The following VMA12 variants were observed in gnomAD, a reference collection of about 807,000 sequenced individuals.
The protein encoded by VMA12 is vacuolar ATPase assembly protein VMA12.
the VMA12 span, chr17:28,361,552 G>A: frequency 3.0e-6 from 1 of 334,798 alleles, no homozygotes; most frequent in Non-Finnish European, 5.6e-6. Flanking sequence ...ACACTGCTGG[G>A]ACTAGGGTTT....
chr17:28,357,867 A>G, the VMA12 span: 3 of 1,613,876 alleles, frequency 1.9e-6, no homozygotes, highest in African/African-American at 4.0e-5. Flanking sequence ...CTGCACCAGC[A>G]TCTGAGAGAA....
At chr17:28,361,626 C>A in the VMA12 span, 1 of 210,636 alleles carries the variant, frequency 4.7e-6, no homozygotes, top group Non-Finnish European at 9.7e-6. Flanking sequence ...TTGAACTTGT[C>A]CATATGTACA....
At chr17:28,357,750 C>G in the VMA12 span, 2 of 1,613,454 alleles carry the variant, frequency 1.2e-6, no homozygotes, top group Non-Finnish European at 1.7e-6. Context: ...GAGCGGCTAC[C>G]CCGAAAGCTG....
At chr17:28,360,998 G>A in the VMA12 span, 1 of 898,512 alleles carries the variant, frequency 1.1e-6, no homozygotes, top group Non-Finnish European at 1.7e-6. Context: ...AGCAGTCACG[G>A]GAGGTTAGGT....
chr17:28,358,783 T>C, the VMA12 span: 1 of 709,404 alleles, frequency 1.4e-6, no homozygotes, highest in Non-Finnish European at 2.4e-6. Context: ...CAATTGAAAA[T>C]GATCCTGGAA....
At chr17:28,359,123 T>C in the VMA12 span, 3 of 990,716 alleles carry the variant, frequency 3.0e-6, no homozygotes, top group Admixed American at 5.6e-5. Context: ...GAGCCAGATA[T>C]TGTCCTCCCC....
chr17:28,362,183 C>G, the VMA12 span: 2 of 143,984 alleles, frequency 1.4e-5, no homozygotes, highest in African/African-American at 5.1e-5. Flanking sequence ...CTCCTGTTGT[C>G]TTTTTTTTTT....
the VMA12 span, chr17:28,360,820 C>T: frequency 6.2e-6 from 10 of 1,613,774 alleles, no homozygotes; most frequent in African/African-American, 1.2e-4. Flanking sequence ...ACCTTGGAAG[C>T]CAATATATCT....
At chr17:28,358,183 C>T in the VMA12 span, 2 of 449,360 alleles carry the variant, frequency 4.5e-6, no homozygotes, top group East Asian at 9.1e-5. Context: ...CAGGTTTTGT[C>T]TCTTCTTTTT....
the VMA12 span, chr17:28,357,796 C>G: frequency 6.2e-7 from 1 of 1,614,018 alleles, no homozygotes; most frequent in African/African-American, 1.3e-5. Context: ...GGAAGAAGCA[C>G]AAGGGCGGTG....
chr17:28,360,766 C>T, the VMA12 span: 97 of 1,614,090 alleles, frequency 6.0e-5, no homozygotes, highest in Middle Eastern at 6.6e-4. Flanking sequence ...TCATCACCAT[C>T]TTCAATTTCA....
At chr17:28,358,598 G>C in the VMA12 span, 1 of 481,362 alleles carries the variant, frequency 2.1e-6, no homozygotes, top group South Asian at 1.6e-5. Flanking sequence ...GCATCACTAT[G>C]ACCTAAACTT....
the VMA12 span, chr17:28,357,703 G>C: frequency 1.9e-6 from 3 of 1,612,994 alleles, no homozygotes; most frequent in Non-Finnish European, 2.5e-6. Flanking sequence ...GCGAGCGATT[G>C]GTGCGTGCTT....
chr17:28,361,852 T>C, the VMA12 span: 1 of 153,832 alleles, frequency 6.5e-6, no homozygotes, highest in African/African-American at 2.4e-5. Context: ...TTAGGCCCCT[T>C]TTCCAGAAGA....
At chr17:28,360,763 C>T in the VMA12 span, 12 of 1,613,976 alleles carry the variant, frequency 7.4e-6, no homozygotes, top group Non-Finnish European at 9.3e-6. Context: ...TGGTCATCAC[C>T]ATCTTCAATT....
At chr17:28,359,517 C>T in the VMA12 span, 4 of 934,762 alleles carry the variant, frequency 4.3e-6, no homozygotes, top group African/African-American at 3.3e-5. Context: ...CTATACTGTT[C>T]AGGGACCATA....
the VMA12 span, chr17:28,359,379 G>A: frequency 3.5e-5 from 56 of 1,613,916 alleles, 1 homozygote; most frequent in South Asian, 2.0e-4. Flanking sequence ...GAATATAAAC[G>A]GATCACCCGC....
the VMA12 span, chr17:28,360,737 A>AC: frequency 6.2e-7 from 1 of 1,614,000 alleles, no homozygotes; most frequent in South Asian, 1.1e-5. Context: ...CCCCAAAGTG[A>AC]GATCATTGAA....
the VMA12 span, chr17:28,358,303 T>G: frequency 8.9e-5 from 38 of 425,510 alleles, 1 homozygote; most frequent in Admixed American, 1.8e-4. Context: ...TTGTTTGTTT[T>G]TTTAATATAG....
Sources: allele counts gnomAD v4.1 joint callset, GRCh38; gene constraint gnomAD v4.1.1; transcripts MANE v1.5; gene names NCBI Gene and HGNC (gene_info 2026-07-23, HGNC 2026-07-21).